The following SNAPC1 variants were observed in gnomAD, a reference collection of about 807,000 sequenced individuals.
SNAPC1 encodes small nuclear RNA activating complex polypeptide 1.
Under a neutral mutation model 50.1 loss-of-function variants are expected in SNAPC1, and 42 were observed. The observed-to-expected ratio is 0.84, with a 90% CI of 0.65 to 1.08. The LOEUF (loss-of-function observed/expected upper bound fraction) is 1.08. Ranked by LOEUF, SNAPC1 falls within the 50% of genes least tolerant of loss-of-function variation. The probability of loss-of-function intolerance (pLI) is 0.00; values close to 1 mark genes in which losing one functional copy is unlikely to be tolerated. For missense variants in SNAPC1, 477 were observed against 427.3 expected (o/e 1.12, Z -1.02); for synonymous variants, 164 against 144.2 (o/e 1.14, Z -0.98).
intron 4 of SNAPC1, among the ~76,000 whole-genome samples, chr14:61,773,783 T>TCCACCTCC (rs1232370521): frequency 6.7e-6 from 1 of 149,572 alleles, no homozygotes; most frequent in East Asian, 2.0e-4. Context: ...CACTGCAGCC[T>TCCACCTCC]CCACCTCCCC....
At chr14:61,762,796 C>T (rs2044916467) in intron 1 of SNAPC1, among the ~76,000 whole-genome samples, 2 of 151,932 alleles carry the variant, frequency 1.3e-5, no homozygotes, top group Admixed American at 6.6e-5. Context: ...GTTGCGGCCT[C>T]CTCCCAAATA....
rs1471596487 is a variant in SNAPC1 at position 61,795,414 on chromosome 14, A to G, written c.*431A>G. Reference sequence around the variant, plus strand: ...TCGGATAATGGATTTTTTATTTTGTATATTTATTCTATTTTGTATATTGTT... The same window carrying G: ...TCGGATAATGGATTTTTTATTTTGTGTATTTATTCTATTTTGTATATTGTT... On this transcript the variant is annotated 3_prime_UTR_variant, in exon 10 of 10. Coordinates refer to ENST00000216294, the MANE Select transcript of SNAPC1 (RefSeq NM_003082.4). 1.3e-5 allele frequency: 2 copies of G among 152,538 alleles called. No homozygotes were observed. The highest frequency in any genetic ancestry group is 2.4e-5 in the African/African-American group (1 of 41,502). 9.4% of individuals were successfully genotyped at this position (152,538 alleles called of 1,614,324 possible). A position where few individuals can be genotyped will look rare whatever the true frequency, so the allele number is the denominator to read the frequency against.
rs1331879991 is a variant in SNAPC1 at position 61,781,514 on chromosome 14, T to A, written c.826-733T>A. ...TAATACCTGTATTGCATATACAGCA[T>A]TAACTGAAAATTCTTTGCTTAAGCA... On this transcript the variant is annotated intron_variant, in intron 7 of 9. Transcript: ENST00000216294. Among the ~76,000 whole-genome samples, 4 of 150,442 alleles carry A rather than the reference T, an allele frequency of 2.7e-5. No homozygotes were observed. In the East Asian group the frequency reaches 7.8e-4, roughly 29 times the overall value.
intron 8 of SNAPC1, among the ~76,000 whole-genome samples, chr14:61,792,128 TATAAC>T (rs1435806856): frequency 2.0e-5 from 3 of 148,458 alleles, no homozygotes; most frequent in Non-Finnish European, 3.0e-5. Context: ...AAAAGCAAGA[TATAAC>T]ATATCAAATG....
At chr14:61,786,739 G>A (rs952085194) in intron 8 of SNAPC1, among the ~76,000 whole-genome samples, 1 of 152,202 alleles carries the variant, frequency 6.6e-6, no homozygotes, top group Non-Finnish European at 1.5e-5. Context: ...TAGAAAACCT[G>A]TAGTTTTTAA....
At chr14:61,777,604 AG>A (rs1202526914) in intron 5 of SNAPC1, among the ~76,000 whole-genome samples, 52 of 141,992 alleles carry the variant, frequency 3.7e-4, no homozygotes, top group African/African-American at 1.4e-3. Flanking sequence ...GAACCAGTTT[AG>A]TTTTAATTTT....
Position 61,768,756 on chromosome 14 carries a change from T to C in SNAPC1, c.534+16T>C. 2 of 1,449,356 alleles carry C rather than the reference T, an allele frequency of 1.4e-6. No individual in the cohort carries two copies. Among genetic ancestry groups the C allele is most frequent in the Non-Finnish European group, 1.9e-6 (2 of 1,039,576 alleles). 89.8% of individuals were successfully genotyped at this position (1,449,356 alleles called of 1,614,324 possible). A position where few individuals can be genotyped will look rare whatever the true frequency, so the allele number is the denominator to read the frequency against. On this transcript the variant is annotated intron_variant, in intron 4 of 9. Coordinates refer to ENST00000216294, the MANE Select transcript of SNAPC1 (RefSeq NM_003082.4). ...TGTATTAGAGGTAAATTTTCTTTTATGCTCTTGAAAATTTTTAAAAATTGT... is the reference window on the plus strand; with the variant it reads ...TGTATTAGAGGTAAATTTTCTTTTACGCTCTTGAAAATTTTTAAAAATTGT...
chr14:61,775,562 A>C (rs565778873), intron 4 of SNAPC1, among the ~76,000 whole-genome samples: 2 of 152,030 alleles, frequency 1.3e-5, no homozygotes, highest in Non-Finnish European at 2.9e-5. Flanking sequence ...CCTACCCTCT[A>C]TATCTTTAAT....
intron 4 of SNAPC1, among the ~76,000 whole-genome samples, chr14:61,775,462 G>A (rs1176888509): frequency 6.6e-6 from 1 of 151,982 alleles, no homozygotes; most frequent in Admixed American, 6.6e-5. Flanking sequence ...CACCATGTTG[G>A]CCAGTCTGGT....
intron 8 of SNAPC1, among the ~76,000 whole-genome samples, chr14:61,784,809 A>G (rs2045102916): frequency 2.0e-5 from 3 of 152,236 alleles, no homozygotes; most frequent in Non-Finnish European, 4.4e-5. Flanking sequence ...TGCAAGAAGT[A>G]TCACAGTTTT....
At chr14:61,777,423 G>A (rs917728359) in intron 5 of SNAPC1, among the ~76,000 whole-genome samples, 4 of 152,030 alleles carry the variant, frequency 2.6e-5, no homozygotes, top group Admixed American at 2.6e-4. Context: ...TGTCACCCTG[G>A]CTGGAATGCA....
intron 1 of SNAPC1, among the ~76,000 whole-genome samples, chr14:61,765,516 G>T (rs1019085592): frequency 5.3e-5 from 8 of 152,206 alleles, no homozygotes; most frequent in Non-Finnish European, 7.3e-5. Context: ...AGGAAGACTG[G>T]AAGTGGGGAG....
chr14:61,768,568 A>G (rs1334121814), intron 3 of SNAPC1, 68 bp from the exon 4 acceptor site: 3 of 858,800 alleles, frequency 3.5e-6, no homozygotes, highest in East Asian at 2.5e-5. Context: ...GTGCTGGCTT[A>G]TATTTCAATA....
chr14:61,783,514 A>G (rs888937610), intron 8 of SNAPC1, among the ~76,000 whole-genome samples: 1 of 148,356 alleles, frequency 6.7e-6, no homozygotes. Flanking sequence ...TATATATTTC[A>G]ATAGTTTGGT....
At chr14:61,772,533 A>G (rs1419098790) in intron 4 of SNAPC1, among the ~76,000 whole-genome samples, 3 of 151,938 alleles carry the variant, frequency 2.0e-5, no homozygotes, top group African/African-American at 7.3e-5. Flanking sequence ...GTGAATCACT[A>G]CGCCTGGCCC....
intron 1 of SNAPC1, among the ~76,000 whole-genome samples, chr14:61,763,435 G>C (rs1481843289): frequency 6.7e-6 from 1 of 149,876 alleles, no homozygotes; most frequent in Admixed American, 6.6e-5. Context: ...TATCTCTCCA[G>C]CTTCGCCTGC....
intron 1 of SNAPC1, among the ~76,000 whole-genome samples, chr14:61,763,257 C>G (rs2044921673): frequency 6.6e-6 from 1 of 151,956 alleles, no homozygotes; most frequent in African/African-American, 2.4e-5. Context: ...TCCCAAAGCG[C>G]TAGGATTACA....
At chr14:61,764,180 A>C (rs949552593) in intron 1 of SNAPC1, among the ~76,000 whole-genome samples, 1 of 152,108 alleles carries the variant, frequency 6.6e-6, no homozygotes, top group Non-Finnish European at 1.5e-5. Context: ...CCGTTTTAAA[A>C]TTTTCCTTTG....
intron 7 of SNAPC1, among the ~76,000 whole-genome samples, chr14:61,780,265 T>C (rs540171935): frequency 1.6e-4 from 24 of 152,276 alleles, no homozygotes; most frequent in African/African-American, 5.3e-4. Flanking sequence ...ACTCAGCCCC[T>C]CTATTTTCAA....
Sources: allele counts gnomAD v4.1 joint callset (sites outside exome capture counted in the v4.1 genomes callset), GRCh38; gene constraint gnomAD v4.1.1; transcripts MANE v1.5; gene names NCBI Gene and HGNC (gene_info 2026-07-23, HGNC 2026-07-21).